TRIM2: variants seen among roughly 807,000 people sequenced by gnomAD.
TRIM2 encodes the protein tripartite motif containing 2.
Under a neutral mutation model 75.2 loss-of-function variants are expected in TRIM2, and 20 were observed. The ratio of observed to expected loss-of-function variants is 0.27; its 90% CI spans 0.19 to 0.39. TRIM2 has a LOEUF of 0.39. Among genes scored for constraint, TRIM2 ranks in the 10% least tolerant of loss-of-function variants. The probability of loss-of-function intolerance (pLI) is 1.00; values close to 1 mark genes in which losing one functional copy is unlikely to be tolerated. For missense variants in TRIM2, 660 were observed against 990.8 expected (o/e 0.67, Z 4.48); for synonymous variants, 373 against 388.3 (o/e 0.96, Z 0.46).
At position 153,294,342 on chromosome 4, in the gene TRIM2, G is replaced by A; in HGVS notation, c.643G>A (p.Glu215Lys). 1.2e-6 allele frequency: 2 copies of A among 1,614,164 alleles called. No homozygotes were observed. The highest frequency in any genetic ancestry group is 8.5e-7 in the Non-Finnish European group (1 of 1,180,018). ...EIDSALQFISEIIHQLTNQKA... is the reference protein window; with the variant it reads ...EIDSALQFISKIIHQLTNQKA... ...AGATTCTGCTCTTCAGTTCATCTCT[G>A]AAATCATTCATCAGTTAACCAACCA... The change falls in exon 5 of 12, where the codon GAA becomes AAA. Residue 215 changes from glutamate (E) to lysine (K), a missense_variant. This residue lies in a region of TRIM2 where 620 missense variants were observed against 891.0 expected (regional missense o/e 0.70). Transcript: ENST00000338700.
chr4:153,235,288 A>ATTT (rs111641294), intron 1 of TRIM2, among the ~76,000 whole-genome samples: 2 of 145,196 alleles, frequency 1.4e-5, no homozygotes, highest in African/African-American at 5.0e-5. Context: ...AGTTAAGATA[A>ATTT]TTTTTTTTTT....
chr4:153,336,228 C>T lies in TRIM2; in HGVS notation c.*1262C>T. 1.0e-6 allele frequency: 1 copy of T among 985,472 alleles called. No homozygotes were observed. Among genetic ancestry groups the T allele is most frequent in the African/African-American group, 1.7e-5 (1 of 57,216 alleles). The allele number at this position is 985,472 out of a possible 1,614,324, so 61.0% of individuals were successfully genotyped here. On this transcript the variant is annotated 3_prime_UTR_variant, in exon 12 of 12. Transcript: ENST00000338700. Reference sequence around the variant, plus strand: ...TCGTCCAGCCACTCTTCAGCACATTCCTTTACTAAGCAGTTTAAAGCCGTC... The same window carrying T: ...TCGTCCAGCCACTCTTCAGCACATTTCTTTACTAAGCAGTTTAAAGCCGTC...
intron 8 of TRIM2, among the ~76,000 whole-genome samples, chr4:153,317,131 C>A (rs1041611674): frequency 6.7e-5 from 10 of 150,256 alleles, no homozygotes; most frequent in Non-Finnish European, 1.0e-4. Flanking sequence ...CCGCCCGCCT[C>A]GGCCTCCCAA....
At chr4:153,166,477 TC>T (rs1053873650) in intron 1 of TRIM2, among the ~76,000 whole-genome samples, 13 of 138,918 alleles carry the variant, frequency 9.4e-5, no homozygotes, top group African/African-American at 3.4e-4. Flanking sequence ...GGATTTTCCC[TC>T]CCTCCCTCCC....
chr4:153,225,101 G>A (rs368995060), intron 1 of TRIM2, among the ~76,000 whole-genome samples: 1 of 152,186 alleles, frequency 6.6e-6, no homozygotes, highest in Admixed American at 6.5e-5. Context: ...GGGTAATATA[G>A]CAAGGCCCTA....
chr4:153,304,306 C>G (rs1372549388), intron 6 of TRIM2, among the ~76,000 whole-genome samples: 1 of 151,842 alleles, frequency 6.6e-6, no homozygotes, highest in African/African-American at 2.4e-5. Flanking sequence ...TAGAGATGGG[C>G]TTTTACCATG....
At chr4:153,215,238 G>T (rs542864587) in intron 1 of TRIM2, among the ~76,000 whole-genome samples, 31 of 152,150 alleles carry the variant, frequency 2.0e-4, no homozygotes, top group African/African-American at 7.0e-4. Context: ...TGTAGACTGG[G>T]AACTGATTAC....
rs146401368 is a variant in TRIM2, at chr4:153,295,514, G to A, written c.988G>A (p.Val330Met). The A allele has an allele frequency of 3.7e-6, 6 of 1,613,974 alleles. No homozygotes were observed. Among genetic ancestry groups the A allele is most frequent in the African/African-American group, 1.3e-5 (1 of 74,916 alleles). Residue 330 changes from valine to methionine, a missense_variant, in exon 6 of 12, where the codon GTG becomes ATG. Physicochemically the swap from Val to Met is conservative, Grantham distance 21. Transcript: ENST00000338700. This position sits in a 1 kb window ranked among gnomAD's most constrained non-coding sequence, Gnocchi z 7.2. ...PRENDQLDFI[V>M]ETEGLKKSIH... Reference sequence around the variant, plus strand: ...GGAGAACGACCAGCTGGATTTCATCGTGGAAACCGAGGGGCTGAAGAAGTC... The same window carrying A: ...GGAGAACGACCAGCTGGATTTCATCATGGAAACCGAGGGGCTGAAGAAGTC...
chr4:153,239,646 C>A (rs1326646930), intron 1 of TRIM2, among the ~76,000 whole-genome samples: 16 of 152,060 alleles, frequency 1.1e-4, no homozygotes, highest in Admixed American at 1.0e-3. Context: ...AAGTAAGTGG[C>A]CTGCACCAGG....
chr4:153,184,458 T>C (rs1732392805), intron 1 of TRIM2, among the ~76,000 whole-genome samples: 1 of 152,170 alleles, frequency 6.6e-6, no homozygotes, highest in African/African-American at 2.4e-5. Context: ...CTTAGAGGCC[T>C]CATATCCAAA....
chr4:153,336,270 T>C lies in TRIM2; in HGVS notation c.*1304T>C, dbSNP rs1772433458. 2.0e-6 allele frequency: 2 copies of C among 984,856 alleles called. No homozygotes were observed. Among genetic ancestry groups the C allele is most frequent in the Non-Finnish European group, 2.4e-6 (2 of 829,804 alleles). The allele number at this position is 984,856 out of a possible 1,614,324, so 61.0% of individuals were successfully genotyped here. ...AAAGCCGTCCTAGTGGAGCAAGCCC[T>C]AAAGCAGATTTAATTTTTGCCATTT... On this transcript the variant is annotated 3_prime_UTR_variant, in exon 12 of 12. Transcript: ENST00000338700.
At chr4:153,244,207 C>A (rs1163169942) in intron 1 of TRIM2, among the ~76,000 whole-genome samples, 1 of 137,538 alleles carries the variant, frequency 7.3e-6, no homozygotes, top group Admixed American at 7.3e-5. Context: ...CCTCCTTTTC[C>A]TTCTCCTTCC....
chr4:153,190,040 A>G (rs1232969002), intron 1 of TRIM2, among the ~76,000 whole-genome samples: 2 of 152,242 alleles, frequency 1.3e-5, no homozygotes, highest in African/African-American at 4.8e-5. Flanking sequence ...ACAGATGGGC[A>G]TATAATAGAA....
At chr4:153,322,485 G>C (rs1367853601) in intron 8 of TRIM2, among the ~76,000 whole-genome samples, 163 bp from the exon 9 acceptor site, 1 of 152,196 alleles carries the variant, frequency 6.6e-6, no homozygotes, top group African/African-American at 2.4e-5. Context: ...ATGTGACAAA[G>C]CCAGTTTTCC....
At chr4:153,249,030 T>C (rs1042255159) in intron 1 of TRIM2, among the ~76,000 whole-genome samples, 1 of 152,266 alleles carries the variant, frequency 6.6e-6, no homozygotes, top group African/African-American at 2.4e-5. Flanking sequence ...CTCCTGTTGC[T>C]GGAGGGCCAG....
chr4:153,307,846 A>G (rs758250967), intron 6 of TRIM2: 69 of 734,712 alleles, frequency 9.4e-5, no homozygotes, highest in Non-Finnish European at 2.6e-5. Context: ...TTTCTCTTGA[A>G]TTCAGACCTA....
chr4:153,261,895 A>T (rs1753671124), intron 1 of TRIM2, among the ~76,000 whole-genome samples: 1 of 152,214 alleles, frequency 6.6e-6, no homozygotes, highest in Non-Finnish European at 1.5e-5. Context: ...TTGGGGGTTA[A>T]TTGCCACCAA....
chr4:153,166,154 C>A (rs943259400), intron 1 of TRIM2, among the ~76,000 whole-genome samples: 4 of 151,780 alleles, frequency 2.6e-5, no homozygotes, highest in Non-Finnish European at 5.9e-5. Flanking sequence ...GATGCAATAG[C>A]TTTTTTTTGC....
At position 153,283,861 on chromosome 4, in the gene TRIM2, C is replaced by CTTTTTTTTT. The variant is rs71598257; in HGVS notation, c.453+7750_453+7758dup. Among the ~76,000 whole-genome samples, 81 of 53,274 alleles carry CTTTTTTTTT rather than the reference C, an allele frequency of 1.5e-3. 8 individuals carry two copies. Among genetic ancestry groups the CTTTTTTTTT allele is most frequent in the African/African-American group, 6.8e-3 (80 of 11,748 alleles). 34.9% of individuals were successfully genotyped at this position (53,274 alleles called of 152,430 possible). A position where few individuals can be genotyped will look rare whatever the true frequency, so the allele number is the denominator to read the frequency against. On this transcript the variant is annotated intron_variant, in intron 3 of 11. Coordinates refer to ENST00000338700, the MANE Select transcript of TRIM2 (RefSeq NM_015271.5). The stretch of plus-strand genomic sequence containing the variant: ...TCATCTTGGCCAGGATGGCCTTGAT[C>CTTTTTTTTT]TTTTTTTTTTTTTTTTTTTTTTTTT...
Sources: gnomAD v4.1 joint callset for allele counts (sites outside exome capture counted in the v4.1 genomes callset) on GRCh38, gnomAD v4.1.1 for gene constraint, gnomAD v4.1.1 regional missense constraint, Gnocchi (gnomAD v3.1) non-coding constraint, MANE v1.5 for transcripts, NCBI Gene and HGNC (gene_info 2026-07-23, HGNC 2026-07-21) for gene names.